Variants in NEO1 observed in about 807,000 individuals in gnomAD.
NEO1 encodes neogenin.
NEO1 carries 63 observed loss-of-function variants against 159.7 expected under a neutral mutation model. That is an observed-to-expected ratio of 0.39 (90% CI 0.32 to 0.49). The LOEUF is 0.49. NEO1 is among the 20% of genes least tolerant of loss of function. The pLI is 0.85. For missense variants in NEO1, 1,615 were observed against 1,831.0 expected (o/e 0.88, Z 2.15); for synonymous variants, 633 against 662.0 (o/e 0.96, Z 0.67).
rs1371424688 is a variant in NEO1 at position 73,283,559 on chromosome 15, AC to A, written c.3410+451del. On this transcript the variant is annotated intron_variant, in intron 23 of 28. Coordinates refer to ENST00000261908, the MANE Select transcript of NEO1 (RefSeq NM_002499.4). ...AGTGGCAGGAAAAGAAACACCTCCT[AC>A]CCTCCAGCCTCTTGCCAGTGTCTAG... Among the ~76,000 whole-genome samples the A allele has an allele frequency of 1.4e-4, 22 of 152,124 alleles. 1 individual carries two copies. The highest frequency in any genetic ancestry group is 1.4e-3 in the Admixed American group (22 of 15,282).
At chr15:73,113,954 A>C (rs1450516769) in intron 1 of NEO1, among the ~76,000 whole-genome samples, 1 of 152,166 alleles carries the variant, frequency 6.6e-6, no homozygotes, top group African/African-American at 2.4e-5. Flanking sequence ...TCTTGAAAGA[A>C]ATTATAGAGA....
chr15:73,168,881 G>C, intron 5 of NEO1, among the ~76,000 whole-genome samples: 1 of 150,598 alleles, frequency 6.6e-6, no homozygotes. Context: ...GTTTTTATTT[G>C]TTGGGTTTTT....
intron 8 of NEO1, among the ~76,000 whole-genome samples, chr15:73,237,270 C>T (rs970869293): frequency 2.0e-5 from 3 of 152,164 alleles, no homozygotes; most frequent in Non-Finnish European, 4.4e-5. Context: ...TTCCCTTGTA[C>T]GTGTATTTGT....
chr15:73,091,846 C>G (rs996782369), intron 1 of NEO1, among the ~76,000 whole-genome samples: 1 of 150,816 alleles, frequency 6.6e-6, no homozygotes, highest in Non-Finnish European at 1.5e-5. Context: ...AGGCTGGTCT[C>G]AAATTCCTGG....
chr15:73,111,347 A>G (rs879648950), intron 1 of NEO1, among the ~76,000 whole-genome samples: 4 of 152,178 alleles, frequency 2.6e-5, no homozygotes, highest in Non-Finnish European at 5.9e-5. Context: ...GACTTTTCAT[A>G]ATGTTCCTCT....
At chr15:73,173,887 G>T (rs1291078101) in intron 5 of NEO1, among the ~76,000 whole-genome samples, 1 of 152,032 alleles carries the variant, frequency 6.6e-6, no homozygotes, top group Non-Finnish European at 1.5e-5. Context: ...ATCACCTGAG[G>T]TCAGGAGTTC....
chr15:73,058,076 C>T (rs1281187911), intron 1 of NEO1, among the ~76,000 whole-genome samples: 2 of 152,082 alleles, frequency 1.3e-5, no homozygotes, highest in Non-Finnish European at 1.5e-5. Flanking sequence ...GTTTTTTCAA[C>T]TTGCTTTTTC....
chr15:73,180,452 G>A (rs1223258678), intron 7 of NEO1, among the ~76,000 whole-genome samples: 1 of 152,150 alleles, frequency 6.6e-6, no homozygotes, highest in Non-Finnish European at 1.5e-5. Context: ...TGAAATGCCT[G>A]AGTACAATTA....
rs199620350 is a variant in NEO1, at chr15:73,288,184, GTA to G, written c.3411-127_3411-126del. On this transcript the variant is annotated intron_variant, in intron 23 of 28. Coordinates refer to ENST00000261908, the MANE Select transcript of NEO1 (RefSeq NM_002499.4). ...TTGTTGTTGTTGTTGGGGGCAGGAG[GTA>G]TGTTTTTAGTTTTTGCTTTTTTTGC... The G allele has an allele frequency of 4.6e-3, 3,361 of 723,578 alleles. 86 individuals carry two copies. The African/African-American group carries it at 0.051, about 11-fold the overall frequency. The allele number at this position is 723,578 out of a possible 1,614,324, so 44.8% of individuals were successfully genotyped here.
At chr15:73,078,754 G>A (rs2068899106) in intron 1 of NEO1, among the ~76,000 whole-genome samples, 1 of 152,182 alleles carries the variant, frequency 6.6e-6, no homozygotes, top group African/African-American at 2.4e-5. Flanking sequence ...TAGCAGCGCT[G>A]GGTGTTTCTA....
intron 4 of NEO1, among the ~76,000 whole-genome samples, chr15:73,134,224 A>G (rs2031484349): frequency 6.6e-6 from 1 of 152,110 alleles, no homozygotes; most frequent in Non-Finnish European, 1.5e-5. Flanking sequence ...CCATTATATA[A>G]TATCTTACTT....
At chr15:73,124,726 C>T (rs1229647865) in intron 3 of NEO1, among the ~76,000 whole-genome samples, 2 of 152,120 alleles carry the variant, frequency 1.3e-5, no homozygotes, top group African/African-American at 4.8e-5. Flanking sequence ...AGTGTTTTCT[C>T]CTTCTACCTT....
chr15:73,301,650 G>A, intron 28 of NEO1, 193 bp downstream of exon 28: 4 of 697,728 alleles, frequency 5.7e-6, no homozygotes, highest in Non-Finnish European at 9.2e-6. Flanking sequence ...AGGACTTGGT[G>A]TGCTTTCTTT....
chr15:73,171,809 T>G (rs903435581), intron 5 of NEO1, among the ~76,000 whole-genome samples: 15 of 151,584 alleles, frequency 9.9e-5, no homozygotes, highest in African/African-American at 3.6e-4. Flanking sequence ...GCCTGGCTAA[T>G]TTTTGTATTT....
At chr15:73,176,950 G>A (rs2035311122) in intron 6 of NEO1, among the ~76,000 whole-genome samples, 1 of 152,150 alleles carries the variant, frequency 6.6e-6, no homozygotes, top group South Asian at 2.1e-4. Context: ...TCCTTGAAGT[G>A]TGGAAAGATG....
chr15:73,101,409 A>C (rs900004770), intron 1 of NEO1, among the ~76,000 whole-genome samples: 5 of 152,152 alleles, frequency 3.3e-5, no homozygotes, highest in Admixed American at 3.3e-4. Context: ...TCTCACGCGC[A>C]CGCGTGCGCA....
rs374472767 is a variant in NEO1 at position 73,200,165 on chromosome 15, A to T, written c.1291+21738A>T. 9.2e-5 allele frequency among the ~76,000 whole-genome samples: 14 copies of T among 152,300 alleles called. No homozygotes were observed. In the East Asian group the frequency reaches 2.7e-3, roughly 29 times the overall value. On this transcript the variant is annotated intron_variant, in intron 7 of 28. Transcript: ENST00000261908. Reference sequence around the variant, plus strand: ...TTCACCAGTGAAACTATCTAGGCCTAGTGCATTCTTTTTTTTGAAGATCTT... The same window carrying T: ...TTCACCAGTGAAACTATCTAGGCCTTGTGCATTCTTTTTTTTGAAGATCTT...
At chr15:73,184,233 G>A (rs1295195734) in intron 7 of NEO1, among the ~76,000 whole-genome samples, 2 of 152,084 alleles carry the variant, frequency 1.3e-5, no homozygotes. Flanking sequence ...TCAGCTCACT[G>A]CAGCCTCCGC....
intron 7 of NEO1, among the ~76,000 whole-genome samples, chr15:73,224,054 T>A (rs1332377626): frequency 1.3e-5 from 2 of 152,210 alleles, no homozygotes; most frequent in African/African-American, 2.4e-5. Flanking sequence ...TTCCTTCATA[T>A]GTGATGCTTA....
Sources: gnomAD v4.1 joint callset for allele counts (sites outside exome capture counted in the v4.1 genomes callset) on GRCh38, gnomAD v4.1.1 for gene constraint, MANE v1.5 for transcripts, NCBI Gene and HGNC (gene_info 2026-07-23, HGNC 2026-07-21) for gene names.